Variants in AHNAK observed in about 807,000 individuals in gnomAD.
The protein encoded by AHNAK is AHNAK nucleoprotein, also known as neuroblast differentiation-associated protein AHNAK.
Under a neutral mutation model 37.8 loss-of-function variants are expected in AHNAK, and 23 were observed. The observed-to-expected ratio is 0.61, with a 90% CI of 0.44 to 0.86. The LOEUF (loss-of-function observed/expected upper bound fraction) is 0.86. AHNAK is among the 40% of genes least tolerant of loss of function. The pLI is 0.00. For synonymous variants in AHNAK, 2,481 were observed against 2,636.3 expected (o/e 0.94, Z 1.80); for missense variants, 7,411 against 7,319.4 (o/e 1.01, Z -0.46).
rs770134602 is a variant in AHNAK, at chr11:62,523,034, C to T, written c.11383G>A (p.Val3795Ile). 3.1e-6 allele frequency: 5 copies of T among 1,614,082 alleles called. No homozygotes were observed. The highest frequency in any genetic ancestry group is 4.2e-6 in the Non-Finnish European group (5 of 1,180,004). Residue 3795 changes from valine (V) to isoleucine (I), a missense_variant, in exon 5 of 5, where the codon GTT becomes ATT. Transcript: ENST00000378024. ...TTCAGGTGCCAGTCTGGGCCTTGAA[C>T]ATCAACATCTGGAGCATTAATGTCC... ...KVDINAPDVD[V>I]QGPDWHLKMP... is the part of the protein sequence containing the mutation.
chr11:62,450,147 T>A (rs28654709), intron 5 of AHNAK, among the ~76,000 whole-genome samples: 7 of 121,338 alleles, frequency 5.8e-5, no homozygotes, highest in Non-Finnish European at 7.5e-5. Flanking sequence ...TTATTTATTT[T>A]ATTTATTTAC....
At chr11:62,454,180 G>C (rs35876296) in intron 5 of AHNAK, among the ~76,000 whole-genome samples, 1 of 151,688 alleles carries the variant, frequency 6.6e-6, no homozygotes, top group Non-Finnish European at 1.5e-5. Flanking sequence ...TTGGGAGGCG[G>C]AGGCGGGCGG....
At position 62,533,873 on chromosome 11, in the gene AHNAK, T is replaced by C. The variant is rs1940858769; in HGVS notation, c.544A>G (p.Ile182Val). ...GTCAGTTCATGTCTTGGAATCTTGA[T>C]CTTGAATTCAGGGCTACTGATGTCT... ...DIDISSPEFK[I>V]KIPRHELTEI... The change falls in exon 5 of 5, where the codon ATC (isoleucine) becomes GTC (valine). Residue 182 changes from isoleucine to valine, a missense_variant. Transcript: ENST00000378024. The C allele has an allele frequency of 2.5e-6, 4 of 1,614,190 alleles. No homozygotes were observed. The African/African-American group carries it at 4.0e-5, about 16-fold the overall frequency.
intron 1 of AHNAK, among the ~76,000 whole-genome samples, chr11:62,540,846 T>C (rs1347434389): frequency 6.6e-6 from 1 of 152,040 alleles, no homozygotes; most frequent in African/African-American, 2.4e-5. Flanking sequence ...GAACAGCCCA[T>C]CCTGTCACTT....
downstream of AHNAK, among the ~76,000 whole-genome samples, chr11:62,512,194 T>C (rs2134183633): frequency 6.6e-6 from 1 of 152,308 alleles, no homozygotes; most frequent in South Asian, 2.1e-4. The surrounding 1 kb of genome is among the most constrained non-coding windows in gnomAD (Gnocchi z 4.0). Context: ...AGACCCCTGC[T>C]CCTGCTTCTC....
chr11:62,445,324 T>C (rs1414332875), intron 5 of AHNAK, among the ~76,000 whole-genome samples: 1 of 152,212 alleles, frequency 6.6e-6, no homozygotes, highest in Non-Finnish European at 1.5e-5. Flanking sequence ...TTTAACCTAA[T>C]GTTATGTTTT....
intron 5 of AHNAK, among the ~76,000 whole-genome samples, chr11:62,479,480 T>A (rs970131256): frequency 1.5e-5 from 2 of 137,736 alleles, no homozygotes; most frequent in East Asian, 4.2e-4. Flanking sequence ...TTTTTTTTTT[T>A]AAGAGAGCCA....
In AHNAK at chr11:62,527,681, T is replaced by A; in HGVS notation, c.6736A>T (p.Met2246Leu). ...GPDWHLKMPK[M>L]KMPKFSMPGF... ...GGCATGCTGAACTTGGGCATTTTCA[T>A]CTTAGGCATCTTCAGGTGCCAGTCT... is the stretch of plus-strand genomic sequence containing the variant. Residue 2246 changes from methionine (M) to leucine (L), a missense_variant, in exon 5 of 5, where the codon ATG (methionine) becomes TTG (leucine). Met to Leu is a conservative substitution (Grantham distance 15, BLOSUM62 2). Transcript: ENST00000378024. 6.2e-7 allele frequency: 1 copy of A among 1,613,972 alleles called. No homozygotes were observed. The highest frequency in any genetic ancestry group is 8.5e-7 in the Non-Finnish European group (1 of 1,179,978).
Position 62,531,334 on chromosome 11 carries a change from T to C in AHNAK, c.3083A>G (p.Asp1028Gly), listed in dbSNP as rs1940739842. 3 of 1,612,848 alleles carry C rather than the reference T, an allele frequency of 1.9e-6. No individual in the cohort carries two copies. The highest frequency in any genetic ancestry group is 2.5e-6 in the Non-Finnish European group (3 of 1,179,696). ...AGTATCTACTTTTGGTGCAGAAATG[T>C]CCACATTCGCTTTGGACAGGTTCAC... is the stretch of plus-strand genomic sequence containing the variant. Reference protein sequence around the residue: ...FDVNLSKANVDISAPKVDTNA... With the variant: ...FDVNLSKANVGISAPKVDTNA... Residue 1028 changes from aspartate (D) to glycine (G), a missense_variant, in exon 5 of 5, where the codon GAC becomes GGC. By Grantham distance (94) the Asp-to-Gly change is moderately conservative. Transcript: ENST00000378024.
intron 5 of AHNAK, among the ~76,000 whole-genome samples, chr11:62,482,560 T>C (rs1315170467): frequency 6.6e-6 from 1 of 152,168 alleles, no homozygotes; most frequent in African/African-American, 2.4e-5. Context: ...AATCGGGATA[T>C]AATTGCACCT....
downstream of AHNAK, among the ~76,000 whole-genome samples, chr11:62,511,158 C>A (rs77330810): frequency 0.015 from 2,318 of 152,062 alleles, 72 homozygotes; most frequent in African/African-American, 0.053. Flanking sequence ...CCCAACCACA[C>A]AGGAAAGTTA....
chr11:62,531,226 G>T lies in AHNAK; in HGVS notation c.3191C>A (p.Ala1064Asp), dbSNP rs780634105. The T allele has an allele frequency of 5.0e-6, 8 of 1,613,940 alleles. No homozygotes were observed. Among genetic ancestry groups the T allele is most frequent in the South Asian group, 1.1e-5 (1 of 91,060 alleles). The change falls in exon 5 of 5, where the codon GCT becomes GAT. Residue 1064 changes from alanine (A) to aspartate (D), a missense_variant. Transcript: ENST00000378024. ...AACATCTGGCAAAGACATCTTAGGAGCTCTGAAGTGCATCTCAGGCATCTT... is the reference window on the plus strand; with the variant it reads ...AACATCTGGCAAAGACATCTTAGGATCTCTGAAGTGCATCTCAGGCATCTT... The part of the protein sequence containing the change: ...KFKMPEMHFR[A>D]PKMSLPDVDL...
At chr11:62,538,484 G>A (rs1435442393) in intron 1 of AHNAK, among the ~76,000 whole-genome samples, 2 of 152,220 alleles carry the variant, frequency 1.3e-5, no homozygotes, top group Admixed American at 1.3e-4. Context: ...TGGTGTGGGG[G>A]ACACTATAAG....
intron 4 of AHNAK, among the ~76,000 whole-genome samples, chr11:62,499,370 G>A (rs1565215139): frequency 6.6e-6 from 1 of 152,088 alleles, no homozygotes; most frequent in African/African-American, 2.4e-5. Flanking sequence ...CCAACATGGC[G>A]AAACCCAGTC....
intron 1 of AHNAK, among the ~76,000 whole-genome samples, chr11:62,544,027 A>G (rs1354731076): frequency 2.0e-5 from 3 of 152,020 alleles, no homozygotes; most frequent in Admixed American, 2.0e-4. Context: ...ACCACACCCC[A>G]GAGCCCCACA....
chr11:62,495,993 G>A (rs1231025217), intron 4 of AHNAK, among the ~76,000 whole-genome samples: 1 of 151,152 alleles, frequency 6.6e-6, no homozygotes, highest in East Asian at 1.9e-4. Flanking sequence ...AGGCTGCAGT[G>A]AGCCAAGATT....
chr11:62,532,796 C>G lies in AHNAK; in HGVS notation c.1621G>C (p.Val541Leu). ...TCTAGGTTTGGTGTCTCTATGTCCA[C>G]TCTGGAGCCTTTAAGTGCCACTTGA... ...GPQVALKGSR[V>L]DIETPNLEGT... The change falls in exon 5 of 5, where the codon GTG (valine) becomes CTG (leucine). Residue 541 changes from valine (V) to leucine (L), a missense_variant. Physicochemically the swap from Val to Leu is conservative, Grantham distance 32 (BLOSUM62 1). Transcript: ENST00000378024. 1 of 1,614,102 alleles carries G rather than the reference C, an allele frequency of 6.2e-7. No individual in the cohort carries two copies. Among genetic ancestry groups the G allele is most frequent in the Non-Finnish European group, 8.5e-7 (1 of 1,179,982 alleles).
intron 5 of AHNAK, among the ~76,000 whole-genome samples, chr11:62,489,209 C>T (rs1173634496): frequency 6.6e-6 from 1 of 150,708 alleles, no homozygotes; most frequent in African/African-American, 2.5e-5. Flanking sequence ...CCACTGCATT[C>T]CAGCCTGGGT....
rs551324364 is a variant in AHNAK, at chr11:62,523,147, G to A, written c.11270C>T (p.Pro3757Leu). The change falls in exon 5 of 5, where the codon CCC (proline) becomes CTC (leucine). Residue 3757 changes from proline (P) to leucine (L), a missense_variant. Physicochemically the swap from Pro to Leu is moderately conservative, Grantham distance 98 (BLOSUM62 -3). Coordinates refer to ENST00000378024, the MANE Select transcript of AHNAK (RefSeq NM_001620.3). ...MPDIDLNLKG[P>L]KVKGDVDVSL... The stretch of plus-strand genomic sequence containing the variant: ...AACATCCACATCGCCCTTGACTTTG[G>A]GGCCCTTCAGGTTTAAATCAATGTC... 1 of 1,613,954 alleles carries A rather than the reference G, an allele frequency of 6.2e-7. No individual in the cohort carries two copies. Among genetic ancestry groups the A allele is most frequent in the Non-Finnish European group, 8.5e-7 (1 of 1,179,992 alleles).
Sources: gnomAD v4.1 joint callset for allele counts (sites outside exome capture counted in the v4.1 genomes callset) on GRCh38, gnomAD v4.1.1 for gene constraint, Gnocchi (gnomAD v3.1) non-coding constraint, MANE v1.5 for transcripts, NCBI Gene and HGNC (gene_info 2026-07-23, HGNC 2026-07-21) for gene names.